FANK1: variants seen among roughly 807,000 people sequenced by gnomAD.
FANK1 encodes fibronectin type III and ankyrin repeat domains 1.
A neutral mutation model predicts 45.3 loss-of-function variants in FANK1; 44 were observed. That is an observed-to-expected ratio of 0.97 (90% confidence interval 0.76 to 1.25). FANK1 has a LOEUF of 1.25. Ranked by LOEUF, FANK1 falls within the 50% of genes most tolerant of loss-of-function variation. The pLI, the probability that FANK1 is intolerant of heterozygous loss-of-function variation, is 0.00. For missense variants in FANK1, 391 were observed against 424.4 expected (o/e 0.92, Z 0.69); for synonymous variants, 149 against 152.5 (o/e 0.98, Z 0.17).
At chr10:125,945,577 C>T (rs1948732841) in intron 1 of FANK1, among the ~76,000 whole-genome samples, 2 of 152,206 alleles carry the variant, frequency 1.3e-5, no homozygotes, top group Admixed American at 1.3e-4. Context: ...AGATTATATC[C>T]CACACCTGGC....
chr10:125,953,414 G>A (rs1949378424), intron 1 of FANK1, among the ~76,000 whole-genome samples: 1 of 152,214 alleles, frequency 6.6e-6, no homozygotes, highest in Non-Finnish European at 1.5e-5. Context: ...ACCTCAGGGT[G>A]ACTGATCAGG....
intron 1 of FANK1, among the ~76,000 whole-genome samples, chr10:125,951,935 T>C (rs565304156): frequency 2.0e-5 from 3 of 152,186 alleles, no homozygotes; most frequent in Non-Finnish European, 4.4e-5. Flanking sequence ...ACTGTAAATA[T>C]TGAATTATTG....
chr10:125,947,815 T>G (rs1948920457), intron 1 of FANK1, among the ~76,000 whole-genome samples: 1 of 127,260 alleles, frequency 7.9e-6, no homozygotes, highest in Non-Finnish European at 1.7e-5. Flanking sequence ...ATATACATTT[T>G]TTTCAGCAGC....
At position 125,995,632 on chromosome 10, in the gene FANK1, C is replaced by G. The variant is rs991421731; in HGVS notation, c.398+134C>G. 6 of 742,840 alleles carry G rather than the reference C, an allele frequency of 8.1e-6. No individual in the cohort carries two copies. The Admixed American group carries it at 1.1e-4, about 13-fold the overall frequency. The allele number at this position is 742,840 out of a possible 1,614,324, so 46.0% of individuals were successfully genotyped here. On this transcript the variant is annotated intron_variant, in intron 4 of 10. Coordinates refer to ENST00000368693, the MANE Select transcript of FANK1 (RefSeq NM_145235.5). ...TGCCTCCAAAATGGATCTCAGGTGA[C>G]TGGTGTGAGTTAATAAACCACAGTT... is the stretch of plus-strand genomic sequence containing the variant.
At chr10:125,994,952 G>C (rs1564958964) in intron 3 of FANK1, 2 of 984,934 alleles carry the variant, frequency 2.0e-6, no homozygotes, top group Non-Finnish European at 2.4e-6. Flanking sequence ...GAGAAGACAA[G>C]GCCAATATGT....
rs1945525707 is a variant in FANK1, at chr10:125,906,481, A to T, written c.13+9826A>T. ...CAGTGAGCCAAGATCACGCTGCTGC[A>T]TTCCAGCCTTGGGGACAGAGCAAGA... On this transcript the variant is annotated intron_variant, in intron 1 of 10. Transcript: ENST00000368693. Among the ~76,000 whole-genome samples the T allele has an allele frequency of 2.2e-5, 3 of 138,222 alleles. 1 individual carries two copies. Among genetic ancestry groups the T allele is most frequent in the Admixed American group, 1.6e-4 (2 of 12,486 alleles). 90.7% of individuals were successfully genotyped at this position (138,222 alleles called of 152,430 possible). A position where few individuals can be genotyped will look rare whatever the true frequency, so the allele number is the denominator to read the frequency against.
intron 6 of FANK1, chr10:126,004,049 T>C (rs1444863032): frequency 6.6e-6 from 1 of 151,974 alleles, no homozygotes; most frequent in Non-Finnish European, 1.5e-5. Context: ...AATTGGGAAT[T>C]GCAAATAAGG....
intron 1 of FANK1, chr10:125,973,663 C>T (rs533072131): frequency 3.8e-5 from 6 of 156,408 alleles, no homozygotes; most frequent in African/African-American, 1.4e-4. Context: ...AAAATTATTT[C>T]AAATGGTAAT....
Position 125,926,725 on chromosome 10 carries a change from C to T in FANK1, c.13+30070C>T, listed in dbSNP as rs1461070748. On this transcript the variant is annotated intron_variant, in intron 1 of 10. Transcript: ENST00000368693. ...CATATATTCACCTGTCTTTTTCCTG[C>T]TCTTCATTTCTTCTTATATCCCAGA... Among the ~76,000 whole-genome samples, 4 of 152,096 alleles carry T rather than the reference C, an allele frequency of 2.6e-5. No homozygotes were observed. In the East Asian group the frequency reaches 7.7e-4, roughly 29 times the overall value.
chr10:125,997,022 G>A (rs1484536030), intron 5 of FANK1, among the ~76,000 whole-genome samples: 1 of 151,838 alleles, frequency 6.6e-6, no homozygotes, highest in Non-Finnish European at 1.5e-5. Context: ...ACAGAGATAA[G>A]TATTAATATG....
At chr10:125,935,299 G>A (rs1008566915) in intron 1 of FANK1, among the ~76,000 whole-genome samples, 5 of 152,152 alleles carry the variant, frequency 3.3e-5, no homozygotes, top group African/African-American at 1.2e-4. Context: ...GGCAGGGGCC[G>A]CATCTGAGCT....
At chr10:125,984,028 G>T (rs1042995336) in intron 2 of FANK1, among the ~76,000 whole-genome samples, 1 of 152,202 alleles carries the variant, frequency 6.6e-6, no homozygotes, top group Non-Finnish European at 1.5e-5. Context: ...TAAGAACTTG[G>T]TGGTGGACCG....
intron 1 of FANK1, among the ~76,000 whole-genome samples, chr10:125,905,161 G>A (rs538515333): frequency 1.4e-5 from 2 of 147,238 alleles, no homozygotes; most frequent in African/African-American, 2.5e-5. Context: ...CAAAAAAAAC[G>A]TTTCTGTAGC....
chr10:125,902,204 A>T (rs1945096753), intron 1 of FANK1, among the ~76,000 whole-genome samples: 1 of 152,222 alleles, frequency 6.6e-6, no homozygotes, highest in Non-Finnish European at 1.5e-5. Context: ...TGGCACATGT[A>T]TACATATGTA....
At chr10:125,988,893 C>A (rs892886908) in intron 3 of FANK1, 13 of 703,994 alleles carry the variant, frequency 1.8e-5, no homozygotes, top group Admixed American at 6.6e-5. Context: ...TATTTTTGTG[C>A]CAGAACTGTC....
intron 6 of FANK1, among the ~76,000 whole-genome samples, chr10:126,003,946 G>A (rs949866429): frequency 6.6e-6 from 1 of 152,026 alleles, no homozygotes; most frequent in African/African-American, 2.4e-5. Flanking sequence ...AAAGTACTAG[G>A]ATTACAGGGG....
chr10:125,930,281 GC>G (rs1947662226), intron 1 of FANK1, among the ~76,000 whole-genome samples: 2 of 151,898 alleles, frequency 1.3e-5, no homozygotes, highest in South Asian at 4.2e-4. Context: ...TGACCCGCCT[GC>G]CTAGGCCTCT....
chr10:125,957,319 G>T (rs1949642773), intron 1 of FANK1, among the ~76,000 whole-genome samples: 1 of 151,936 alleles, frequency 6.6e-6, no homozygotes, highest in African/African-American at 2.4e-5. Context: ...ACAAAACGTT[G>T]TTATTTTTGT....
At position 125,949,506 on chromosome 10, in the gene FANK1, C is replaced by T. The variant is rs1450086068; in HGVS notation, c.14-30655C>T. On this transcript the variant is annotated intron_variant, in intron 1 of 10. Coordinates refer to ENST00000368693, the MANE Select transcript of FANK1 (RefSeq NM_145235.5). ...GAGAGCCAAATCATGAGTGAACTCC[C>T]ATTCCCAATTGCTTCAAAGAGAATA... Among the ~76,000 whole-genome samples the T allele has an allele frequency of 2.6e-5, 4 of 152,192 alleles. 1 individual carries two copies. In the South Asian group the frequency reaches 8.3e-4, roughly 32 times the overall value.
Sources: allele counts gnomAD v4.1 joint callset (sites outside exome capture counted in the v4.1 genomes callset), GRCh38; gene constraint gnomAD v4.1.1; transcripts MANE v1.5; gene names NCBI Gene and HGNC (gene_info 2026-07-23, HGNC 2026-07-21).